The following CADM1 variants were observed in gnomAD, a reference collection of about 807,000 sequenced individuals.
CADM1 encodes cell adhesion molecule 1.
In CADM1, 15 loss-of-function variants were observed where a neutral mutation model predicts 53.1. That is an observed-to-expected ratio of 0.28 (90% CI 0.19 to 0.44). The LOEUF (loss-of-function observed/expected upper bound fraction) is 0.44. Among genes scored for constraint, CADM1 ranks in the 20% least tolerant of loss-of-function variants. The probability of loss-of-function intolerance (pLI) is 1.00; values close to 1 mark genes in which losing one functional copy is unlikely to be tolerated. For missense variants in CADM1, 434 were observed against 611.3 expected (o/e 0.71, Z 3.06); for synonymous variants, 281 against 243.0 (o/e 1.16, Z -1.45).
intron 1 of CADM1, among the ~76,000 whole-genome samples, chr11:115,298,175 C>T (rs1242970174): frequency 6.6e-6 from 1 of 152,224 alleles, no homozygotes; most frequent in Non-Finnish European, 1.5e-5. Flanking sequence ...TACTGACACC[C>T]TTCTGTATTG....
At chr11:115,339,949 T>C (rs1945381237) in intron 1 of CADM1, 1 of 152,162 alleles carries the variant, frequency 6.6e-6, no homozygotes, top group African/African-American at 2.4e-5. Context: ...CCACGTATTC[T>C]AAGTTATTCT....
At chr11:115,430,049 A>G (rs1460765974) in intron 1 of CADM1, among the ~76,000 whole-genome samples, 1 of 152,234 alleles carries the variant, frequency 6.6e-6, no homozygotes, top group Non-Finnish European at 1.5e-5. Flanking sequence ...GTCAAAAAAA[A>G]AATCATACCA....
At chr11:115,300,842 T>C (rs1301346119) in intron 1 of CADM1, among the ~76,000 whole-genome samples, 1 of 152,128 alleles carries the variant, frequency 6.6e-6, no homozygotes, top group Non-Finnish European at 1.5e-5. Flanking sequence ...ATGTAGGCTC[T>C]GGTCATAAAA....
chr11:115,182,353 C>A (rs1939353059), intron 10 of CADM1, among the ~76,000 whole-genome samples: 1 of 152,220 alleles, frequency 6.6e-6, no homozygotes, highest in African/African-American at 2.4e-5. Context: ...ACAAGTGTTC[C>A]TCTTACTAGT....
intron 1 of CADM1, among the ~76,000 whole-genome samples, chr11:115,375,393 G>T (rs895921831): frequency 4.6e-5 from 7 of 152,154 alleles, no homozygotes; most frequent in African/African-American, 1.7e-4. Flanking sequence ...CTTCTGGGGT[G>T]CTGCTGGCAA....
chr11:115,311,015 T>C (rs1944518625), intron 1 of CADM1, among the ~76,000 whole-genome samples: 1 of 152,194 alleles, frequency 6.6e-6, no homozygotes, highest in African/African-American at 2.4e-5. Flanking sequence ...AACAAACAAG[T>C]ACTACTTTAC....
chr11:115,490,742 AAATGCAGTT>A (rs533822261), intron 1 of CADM1, among the ~76,000 whole-genome samples: 47 of 152,226 alleles, frequency 3.1e-4, no homozygotes, highest in African/African-American at 1.1e-3. Flanking sequence ...AATTTTAGGA[AAATGCAGTT>A]AAGTGTTTAA....
intron 1 of CADM1, among the ~76,000 whole-genome samples, chr11:115,488,834 C>T (rs960791810): frequency 6.6e-6 from 1 of 152,120 alleles, no homozygotes; most frequent in African/African-American, 2.4e-5. Flanking sequence ...TTTTTAAACA[C>T]AGCAAAAAGC....
chr11:115,197,440 A>C (rs1208644502), intron 9 of CADM1, among the ~76,000 whole-genome samples: 8 of 1,054 alleles, frequency 7.6e-3, no homozygotes, highest in African/African-American at 9.7e-3. Flanking sequence ...AATTCAGCCC[A>C]GTTTTAAACA....
In CADM1 at chr11:115,169,643, A is replaced by G. The variant is rs566413487; in HGVS notation, c.*6831T>C. On this transcript the variant is annotated 3_prime_UTR_variant, in exon 12 of 12. Transcript: ENST00000331581. ...AAAACAGGCCTAGAGAGAGGGAGAGAAAGAGAAAGAGAGAGAGATGGATAG... is the reference window on the plus strand; with the variant it reads ...AAAACAGGCCTAGAGAGAGGGAGAGGAAGAGAAAGAGAGAGAGATGGATAG... 2.2e-6 allele frequency: 1 copy of G among 456,546 alleles called. No homozygotes were observed. The highest frequency in any genetic ancestry group is 1.5e-5 in the South Asian group (1 of 64,546). The allele number at this position is 456,546 out of a possible 1,614,324, so 28.3% of individuals were successfully genotyped here.
intron 1 of CADM1, among the ~76,000 whole-genome samples, chr11:115,314,647 A>G (rs191079360): frequency 8.5e-5 from 13 of 152,276 alleles, no homozygotes; most frequent in Admixed American, 8.5e-4. Flanking sequence ...TATGGTAGTA[A>G]ACAGAGTGCC....
At chr11:115,428,780 C>CGTGTGTGTGTGTGT (rs45437796) in intron 1 of CADM1, among the ~76,000 whole-genome samples, 2 of 151,022 alleles carry the variant, frequency 1.3e-5, no homozygotes, top group Non-Finnish European at 3.0e-5. Context: ...TGTGTGTGTG[C>CGTGTGTGTGTGTGT]GTGTGTGTGT....
At chr11:115,495,274 G>T (rs141796894) in intron 1 of CADM1, among the ~76,000 whole-genome samples, 145 of 152,240 alleles carry the variant, frequency 9.5e-4, no homozygotes, top group African/African-American at 3.4e-3. Flanking sequence ...CCAGGAGGCT[G>T]GATTTATACA....
At chr11:115,465,109 T>C (rs941689910) in intron 1 of CADM1, among the ~76,000 whole-genome samples, 26 of 152,186 alleles carry the variant, frequency 1.7e-4, no homozygotes, top group African/African-American at 6.3e-4. Flanking sequence ...TGTACCTAGA[T>C]TTCATTAGCA....
At chr11:115,379,844 T>C (rs1946530640) in intron 1 of CADM1, among the ~76,000 whole-genome samples, 1 of 152,202 alleles carries the variant, frequency 6.6e-6, no homozygotes, top group East Asian at 1.9e-4. Flanking sequence ...ATATCAGTCA[T>C]CTTGGTATGT....
At chr11:115,402,012 C>T (rs1250216942) in intron 1 of CADM1, among the ~76,000 whole-genome samples, 1 of 152,010 alleles carries the variant, frequency 6.6e-6, no homozygotes, top group Non-Finnish European at 1.5e-5. Context: ...ACCCACATAA[C>T]TTTTGAAAGA....
chr11:115,211,516 G>A (rs1266617882), intron 7 of CADM1, among the ~76,000 whole-genome samples: 1 of 67,886 alleles, frequency 1.5e-5, no homozygotes, highest in South Asian at 4.9e-4. Context: ...GTCTTGCTTT[G>A]TCGCCCAGGC....
intron 1 of CADM1, among the ~76,000 whole-genome samples, chr11:115,354,941 G>GTGTCCA (rs1424733205): frequency 6.6e-6 from 1 of 152,096 alleles, no homozygotes; most frequent in Non-Finnish European, 1.5e-5. Context: ...CATCTCTAAT[G>GTGTCCA]TGTCCACTCA....
At chr11:115,419,203 A>G (rs769386277) in intron 1 of CADM1, among the ~76,000 whole-genome samples, 105 of 152,200 alleles carry the variant, frequency 6.9e-4, no homozygotes, top group Non-Finnish European at 1.2e-3. Context: ...TGCTGTTCAC[A>G]ATTACACAGT....
Sources: allele counts gnomAD v4.1 joint callset (sites outside exome capture counted in the v4.1 genomes callset), GRCh38; gene constraint gnomAD v4.1.1; transcripts MANE v1.5; gene names NCBI Gene and HGNC (gene_info 2026-07-23, HGNC 2026-07-21).